Variants in ASRGL1 observed in about 807,000 individuals in gnomAD.
The protein encoded by ASRGL1 is asparaginase and isoaspartyl peptidase 1.
ASRGL1 carries 16 observed loss-of-function variants against 22.4 expected under a neutral mutation model. The ratio of observed to expected loss-of-function variants is 0.71; its 90% CI spans 0.48 to 1.08. The LOEUF is 1.08. Among genes scored for constraint, ASRGL1 ranks in the 50% least tolerant of loss-of-function variants. The probability of loss-of-function intolerance (pLI) is 0.00; values close to 1 mark genes in which losing one functional copy is unlikely to be tolerated. For synonymous variants in ASRGL1, 165 were observed against 159.3 expected (o/e 1.04, Z -0.27); for missense variants, 412 against 410.1 (o/e 1.00, Z -0.04).
intron 2 of ASRGL1, among the ~76,000 whole-genome samples, 159 bp from the exon 3 acceptor site, chr11:62,356,166 C>T (rs1946288641): frequency 6.6e-6 from 1 of 152,134 alleles, no homozygotes; most frequent in Non-Finnish European, 1.5e-5. Flanking sequence ...GGTGGCGGGG[C>T]AGAGGGGCTC....
chr11:62,400,143 G>A, the ASRGL1 span, among the ~76,000 whole-genome samples: 2 of 152,158 alleles, frequency 1.3e-5, no homozygotes, highest in African/African-American at 2.4e-5. Flanking sequence ...GCCCCTCCTG[G>A]CTGTAGGCCG....
chr11:62,354,766 A>C (rs1946240030), intron 2 of ASRGL1, among the ~76,000 whole-genome samples: 1 of 152,178 alleles, frequency 6.6e-6, no homozygotes, highest in African/African-American at 2.4e-5. Flanking sequence ...GACTGAGGAT[A>C]ACTGAAACCT....
chr11:62,380,764 A>G (rs891317008), intron 4 of ASRGL1, among the ~76,000 whole-genome samples: 15 of 152,074 alleles, frequency 9.9e-5, no homozygotes, highest in Non-Finnish European at 1.5e-5. Context: ...CATATCTTTT[A>G]ACATTTTTAT....
chr11:62,377,943 A>T (rs981349758), intron 4 of ASRGL1, among the ~76,000 whole-genome samples: 2 of 152,072 alleles, frequency 1.3e-5, no homozygotes, highest in African/African-American at 2.4e-5. Flanking sequence ...GGGCTAAGGG[A>T]TCTATTCTAT....
intron 4 of ASRGL1, 95 bp downstream of exon 4, chr11:62,357,239 G>GTTTTGTTTTA: frequency 9.7e-7 from 1 of 1,033,050 alleles, no homozygotes; most frequent in Non-Finnish European, 1.4e-6. Context: ...GTTTTGTTTT[G>GTTTTGTTTTA]TTTTGTTTTG....
At chr11:62,363,994 T>TA (rs1174511271) in intron 4 of ASRGL1, among the ~76,000 whole-genome samples, 1 of 151,414 alleles carries the variant, frequency 6.6e-6, no homozygotes, top group Non-Finnish European at 1.5e-5. Flanking sequence ...ACGTCTCTAC[T>TA]AAAAAATACA....
Position 62,392,345 on chromosome 11 carries a change from A to C in ASRGL1, c.*61A>C. ...AGGTCAAGTACAGTCTCCTCATGAG[A>C]CATAGCCTAATCAATTAGATCTAGA... On this transcript the variant is annotated 3_prime_UTR_variant, in exon 7 of 7. Coordinates refer to ENST00000415229, the MANE Select transcript of ASRGL1 (RefSeq NM_001083926.2). 1 of 1,570,290 alleles carries C rather than the reference A, an allele frequency of 6.4e-7. No individual in the cohort carries two copies. Among genetic ancestry groups the C allele is most frequent in the Non-Finnish European group, 8.7e-7 (1 of 1,143,664 alleles).
Position 62,337,920 on chromosome 11 carries a change from T to G in ASRGL1, c.-58T>G. 1 of 1,541,014 alleles carries G rather than the reference T, an allele frequency of 6.5e-7. No homozygotes were observed. The highest frequency in any genetic ancestry group is 8.7e-7 in the Non-Finnish European group (1 of 1,143,548). Reference sequence around the variant, plus strand: ...CCCGAGGACCTTGTACCCGCGCGGCTTCCTTGGGCTGGCTTTGGACGACGC... The same window carrying G: ...CCCGAGGACCTTGTACCCGCGCGGCGTCCTTGGGCTGGCTTTGGACGACGC... On this transcript the variant is annotated 5_prime_UTR_variant, in exon 2 of 7. Transcript: ENST00000415229.
At chr11:62,360,525 T>TA (rs2134620129) in intron 4 of ASRGL1, among the ~76,000 whole-genome samples, 1 of 152,084 alleles carries the variant, frequency 6.6e-6, no homozygotes, top group East Asian at 1.9e-4. Context: ...AAAAAGAAAG[T>TA]AAAAATCTTC....
intron 2 of ASRGL1, among the ~76,000 whole-genome samples, chr11:62,351,757 G>A (rs1259112846): frequency 2.0e-5 from 3 of 151,950 alleles, no homozygotes; most frequent in African/African-American, 7.3e-5. Context: ...TTGCAGCCTT[G>A]ACTTCCTAGG....
At position 62,383,557 on chromosome 11, in the gene ASRGL1, C is replaced by T. The variant is rs1421202498; in HGVS notation, c.492-5576C>T. Among the ~76,000 whole-genome samples, 7 of 137,118 alleles carry T rather than the reference C, an allele frequency of 5.1e-5. No homozygotes were observed. In the East Asian group the frequency reaches 1.3e-3, roughly 25 times the overall value. 90.0% of individuals were successfully genotyped at this position (137,118 alleles called of 152,430 possible). On this transcript the variant is annotated intron_variant, in intron 4 of 6. Transcript: ENST00000415229. ...GGCGGAGCTTGCAGTGAGCCGAGAT[C>T]CCGCCACTGCACTCCAGCCTGGGCG...
chr11:62,350,282 G>A (rs1332831826), intron 2 of ASRGL1, among the ~76,000 whole-genome samples: 1 of 152,076 alleles, frequency 6.6e-6, no homozygotes, highest in African/African-American at 2.4e-5. Flanking sequence ...TTTCTTTATT[G>A]CTGAGTAGTA....
intron 2 of ASRGL1, among the ~76,000 whole-genome samples, chr11:62,355,189 CA>C (rs1946251892): frequency 6.6e-6 from 1 of 152,058 alleles, no homozygotes; most frequent in South Asian, 2.1e-4. Context: ...GCTGGGATTA[CA>C]GGCGTGAGCC....
At chr11:62,339,555 C>T (rs1351381229) in intron 2 of ASRGL1, among the ~76,000 whole-genome samples, 1 of 152,092 alleles carries the variant, frequency 6.6e-6, no homozygotes, top group East Asian at 1.9e-4. Flanking sequence ...AAGAAATTTG[C>T]TTGATTTATT....
rs534652505 is a variant in ASRGL1 at position 62,373,185 on chromosome 11, A to G, written c.492-15948A>G. The G allele has an allele frequency of 2.9e-4, 321 of 1,097,702 alleles. 2 individuals are homozygous for G. The highest frequency in any genetic ancestry group is 1.7e-3 in the Middle Eastern group (6 of 3,516). The allele number at this position is 1,097,702 out of a possible 1,614,324, so 68.0% of individuals were successfully genotyped here. On this transcript the variant is annotated intron_variant, in intron 4 of 6. Transcript: ENST00000415229. ...CCCCCAAACCCTCTGATGCTCCCAGAGACTCCTCCGACTCCACACCTCTCA... is the reference window on the plus strand; with the variant it reads ...CCCCCAAACCCTCTGATGCTCCCAGGGACTCCTCCGACTCCACACCTCTCA...
chr11:62,392,692 G>A lies in ASRGL1; in HGVS notation c.*408G>A, dbSNP rs1159827523. 3 of 226,046 alleles carry A rather than the reference G, an allele frequency of 1.3e-5. No individual in the cohort carries two copies. The highest frequency in any genetic ancestry group is 5.2e-5 in the Admixed American group (1 of 19,236). 14.0% of individuals were successfully genotyped at this position (226,046 alleles called of 1,614,324 possible). A position where few individuals can be genotyped will look rare whatever the true frequency, so the allele number is the denominator to read the frequency against. The stretch of plus-strand genomic sequence containing the variant: ...GCTGGAAGGTGGGAAGGGAGGGGCC[G>A]GTGGAGGTGGAGCTGTTTGAAAGTG... On this transcript the variant is annotated 3_prime_UTR_variant, in exon 7 of 7. Coordinates refer to ENST00000415229, the MANE Select transcript of ASRGL1 (RefSeq NM_001083926.2).
At chr11:62,377,106 G>A (rs1197857772) in intron 4 of ASRGL1, among the ~76,000 whole-genome samples, 5 of 152,148 alleles carry the variant, frequency 3.3e-5, no homozygotes, top group African/African-American at 4.8e-5. Flanking sequence ...TCCATGTGAC[G>A]TCAAATTTGT....
the ASRGL1 span, among the ~76,000 whole-genome samples, chr11:62,400,513 G>T: frequency 6.6e-6 from 1 of 152,192 alleles, no homozygotes; most frequent in Non-Finnish European, 1.5e-5. Context: ...ACCAGCAGGG[G>T]CGCGGCTATT....
intron 2 of ASRGL1, among the ~76,000 whole-genome samples, chr11:62,349,999 T>C (rs1946132212): frequency 6.6e-6 from 1 of 152,174 alleles, no homozygotes; most frequent in Non-Finnish European, 1.5e-5. Context: ...CTGGCTTCTT[T>C]ACTGTAACCT....
Sources: allele counts gnomAD v4.1 joint callset (sites outside exome capture counted in the v4.1 genomes callset), GRCh38; gene constraint gnomAD v4.1.1; transcripts MANE v1.5; gene names NCBI Gene and HGNC (gene_info 2026-07-23, HGNC 2026-07-21).